FMN2: variants seen among roughly 807,000 people sequenced by gnomAD.
FMN2 encodes formin 2, also known as formin-2.
In FMN2, 51 loss-of-function variants were observed where a neutral mutation model predicts 142.3. That is an observed-to-expected ratio of 0.36 (90% confidence interval 0.29 to 0.45). The LOEUF (loss-of-function observed/expected upper bound fraction) is 0.45. Among genes scored for constraint, FMN2 ranks in the 20% least tolerant of loss-of-function variants. The pLI, the probability that FMN2 is intolerant of heterozygous loss-of-function variation, is 1.00. For synonymous variants in FMN2, 882 were observed against 869.8 expected, an observed-to-expected ratio of 1.01 and a Z score of -0.25; for missense variants, 1,936 against 2,122.8, an observed-to-expected ratio of 0.91 and a Z score of 1.73.
At chr1:240,171,438 A>C (rs56270407) in intron 2 of FMN2, 1 of 455,868 alleles carries the variant, frequency 2.2e-6, no homozygotes, top group Non-Finnish European at 4.1e-6. Flanking sequence ...TAATCAAGGC[A>C]AGGATAATTC....
chr1:240,334,317 T>A, intron 13 of FMN2, 88 bp downstream of exon 13: 1 of 1,380,116 alleles, frequency 7.2e-7, no homozygotes, highest in Non-Finnish European at 9.6e-7. Context: ...AGAAAAGTAA[T>A]CTTTTTTATC....
chr1:240,286,665 G>A (rs1669602347), intron 7 of FMN2, among the ~76,000 whole-genome samples: 1 of 152,052 alleles, frequency 6.6e-6, no homozygotes, highest in Admixed American at 6.5e-5. Flanking sequence ...TGAAACTTCA[G>A]GAGAGAACAA....
At chr1:240,173,227 C>A (rs917913751) in intron 2 of FMN2, among the ~76,000 whole-genome samples, 2 of 152,160 alleles carry the variant, frequency 1.3e-5, no homozygotes, top group South Asian at 4.1e-4. Flanking sequence ...TGAGCCACCA[C>A]GCCCGGCCTC....
At chr1:240,236,978 G>C (rs930119296) in intron 6 of FMN2, among the ~76,000 whole-genome samples, 2 of 152,174 alleles carry the variant, frequency 1.3e-5, no homozygotes, top group African/African-American at 4.8e-5. Context: ...ACAAAGTTAA[G>C]TGACTTATTC....
chr1:240,094,095 G>A (rs1233512213), intron 1 of FMN2, among the ~76,000 whole-genome samples: 1 of 152,058 alleles, frequency 6.6e-6, no homozygotes, highest in Non-Finnish European at 1.5e-5. Flanking sequence ...CATCACCACA[G>A]CATTAAAAAG....
intron 6 of FMN2, among the ~76,000 whole-genome samples, chr1:240,216,391 A>G (rs1199728787): frequency 6.6e-6 from 1 of 152,240 alleles, no homozygotes; most frequent in Non-Finnish European, 1.5e-5. Flanking sequence ...TTTTTTAAAA[A>G]GTACATAACT....
At chr1:240,427,440 T>C (rs908563164) in intron 15 of FMN2, among the ~76,000 whole-genome samples, 11 of 151,292 alleles carry the variant, frequency 7.3e-5, no homozygotes, top group East Asian at 4.0e-4. Context: ...CTCCTGACCT[T>C]GTGATCTGCC....
chr1:240,352,300 T>A (rs1672122610), intron 13 of FMN2, among the ~76,000 whole-genome samples: 1 of 152,084 alleles, frequency 6.6e-6, no homozygotes, highest in South Asian at 2.1e-4. Flanking sequence ...CATGTGTACG[T>A]TAGAAACTGC....
intron 2 of FMN2, among the ~76,000 whole-genome samples, chr1:240,173,595 T>C (rs1664797033): frequency 6.6e-6 from 1 of 152,076 alleles, no homozygotes; most frequent in Admixed American, 6.6e-5. Context: ...AAACAAGAAA[T>C]GAATCTGGGA....
Position 240,170,424 on chromosome 1 carries a change from G to A in FMN2, c.1783-7497G>A, listed in dbSNP as rs1422063821. On this transcript the variant is annotated intron_variant, in intron 2 of 17. Coordinates refer to ENST00000319653, the MANE Select transcript of FMN2 (RefSeq NM_020066.5). ...GTGAGGGAGTTGCTAAGCTGAAGGC[G>A]GGTGATAACTGTCATCCCATTTTAC... 6.3e-6 allele frequency: 8 copies of A among 1,265,416 alleles called. No individual in the cohort carries two copies. In the South Asian group the frequency reaches 7.2e-5, roughly 11 times the overall value. 78.4% of individuals were successfully genotyped at this position (1,265,416 alleles called of 1,614,324 possible).
chr1:240,260,653 G>T (rs1365535591), intron 7 of FMN2, among the ~76,000 whole-genome samples: 3 of 152,092 alleles, frequency 2.0e-5, no homozygotes, highest in Non-Finnish European at 4.4e-5. Context: ...CTGGATATTG[G>T]TCCTCTGTCA....
At chr1:240,389,161 CTTTA>C (rs1673520714) in intron 14 of FMN2, among the ~76,000 whole-genome samples, 1 of 152,104 alleles carries the variant, frequency 6.6e-6, no homozygotes, top group African/African-American at 2.4e-5. Context: ...ACTCGGCATA[CTTTA>C]TTTAAATGAA....
chr1:240,103,200 A>G (rs1316975174), intron 1 of FMN2, among the ~76,000 whole-genome samples: 1 of 152,178 alleles, frequency 6.6e-6, no homozygotes, highest in East Asian at 1.9e-4. Flanking sequence ...TTCTCTAAGG[A>G]GACTCATTTG....
chr1:240,262,632 T>A (rs1411187024), intron 7 of FMN2, among the ~76,000 whole-genome samples: 1 of 152,104 alleles, frequency 6.6e-6, no homozygotes, highest in Non-Finnish European at 1.5e-5. Flanking sequence ...TGCAATTCCA[T>A]AAGCTTCAGC....
intron 3 of FMN2, 140 bp downstream of exon 3, chr1:240,178,208 TG>T (rs1558340042): frequency 1.0e-6 from 1 of 982,930 alleles, no homozygotes; most frequent in Non-Finnish European, 1.4e-6. Flanking sequence ...GTTTTTACTT[TG>T]GGGTCTTTTC....
chr1:240,205,074 C>A (rs1052180296), intron 4 of FMN2, among the ~76,000 whole-genome samples: 1 of 152,100 alleles, frequency 6.6e-6, no homozygotes, highest in Admixed American at 6.6e-5. Context: ...AAAATCAAGT[C>A]TGGAGTATAA....
At chr1:240,459,669 A>G (rs374498684) in intron 16 of FMN2, among the ~76,000 whole-genome samples, 1 of 129,758 alleles carries the variant, frequency 7.7e-6, no homozygotes, top group Non-Finnish European at 1.6e-5. Flanking sequence ...GTGAGCTGCT[A>G]TCGTGCCACT....
intron 6 of FMN2, among the ~76,000 whole-genome samples, chr1:240,212,932 T>A (rs1572072458): frequency 6.6e-6 from 1 of 152,186 alleles, no homozygotes; most frequent in Non-Finnish European, 1.5e-5. Flanking sequence ...ACCCCTTTTG[T>A]TTTTTTGTGT....
chr1:240,438,156 G>C lies in FMN2; in HGVS notation c.5006G>C (p.Ser1669Thr), dbSNP rs1173422223. 1.4e-5 allele frequency: 22 copies of C among 1,613,978 alleles called. No homozygotes were observed. Among genetic ancestry groups the C allele is most frequent in the Middle Eastern group, 3.3e-4 (2 of 6,084 alleles). Residue 1669 changes from serine (S) to threonine (T), a missense_variant, in exon 16 of 18, where the codon AGC (serine) becomes ACC (threonine). By Grantham distance (58) the Ser-to-Thr change is moderately conservative (BLOSUM62 1). Transcript: ENST00000319653. Reference protein sequence around the residue: ...NAFFSIWHEFSSDFKDFWKKE... With the variant: ...NAFFSIWHEFTSDFKDFWKKE... The stretch of plus-strand genomic sequence containing the variant: ...TTCTTCAGTATCTGGCATGAATTCA[G>C]CTCTGACTTTAAAGACTTCTGGAAG...
Sources: gnomAD v4.1 joint callset for allele counts (sites outside exome capture counted in the v4.1 genomes callset) on GRCh38, gnomAD v4.1.1 for gene constraint, MANE v1.5 for transcripts, NCBI Gene and HGNC (gene_info 2026-07-23, HGNC 2026-07-21) for gene names.